BCAS3: variants seen among roughly 807,000 people sequenced by gnomAD.
BCAS3 encodes BCAS4/BCAS3 fusion.
BCAS3 carries 53 observed loss-of-function variants against 116.1 expected under a neutral mutation model. The ratio of observed to expected loss-of-function variants is 0.46; its 90% CI spans 0.37 to 0.57. BCAS3 has a LOEUF of 0.57. Among genes scored for constraint, BCAS3 ranks in the 20% least tolerant of loss-of-function variants. BCAS3 has a pLI of 0.00. For synonymous variants in BCAS3, 391 were observed against 408.2 expected (o/e 0.96, Z 0.51); for missense variants, 917 against 1,165.4 (o/e 0.79, Z 3.10).
intron 6 of BCAS3, among the ~76,000 whole-genome samples, chr17:60,800,969 A>G (rs2047721540): frequency 6.6e-6 from 1 of 152,102 alleles, no homozygotes; most frequent in African/African-American, 2.4e-5. Flanking sequence ...TACTATAGTT[A>G]TATAACTCCT....
intron 9 of BCAS3, among the ~76,000 whole-genome samples, chr17:60,882,752 A>C (rs2056292642): frequency 6.8e-6 from 1 of 147,778 alleles, no homozygotes. Flanking sequence ...AGATAGTTGT[A>C]GGTATGTGGC....
At chr17:60,796,219 G>T (rs977361289) in intron 6 of BCAS3, among the ~76,000 whole-genome samples, 10 of 152,144 alleles carry the variant, frequency 6.6e-5, no homozygotes, top group Non-Finnish European at 1.5e-4. Context: ...CCCTGGTTTT[G>T]GTATTAGGGT....
Position 61,363,437 on chromosome 17 carries a change from A to G in BCAS3, c.2426-4890A>G, listed in dbSNP as rs532178267. On this transcript the variant is annotated intron_variant, in intron 22 of 23. Coordinates refer to ENST00000407086, the MANE Select transcript of BCAS3 (RefSeq NM_017679.5). This position sits in a 1 kb window ranked among gnomAD's most constrained non-coding sequence, Gnocchi z 4.9. Reference sequence around the variant, plus strand: ...AAGAATCCCCAGGAGATAGCCTGCGAAGACTGTTGCACTTACAACCAGATG... The same window carrying G: ...AAGAATCCCCAGGAGATAGCCTGCGGAGACTGTTGCACTTACAACCAGATG... Among the ~76,000 whole-genome samples the G allele has an allele frequency of 1.6e-4, 25 of 152,290 alleles. No homozygotes were observed. The highest frequency in any genetic ancestry group is 5.8e-4 in the African/African-American group (24 of 41,556).
intron 22 of BCAS3, among the ~76,000 whole-genome samples, chr17:61,163,065 AG>A (rs2078256003): frequency 6.6e-6 from 1 of 152,228 alleles, no homozygotes; most frequent in South Asian, 2.1e-4. Flanking sequence ...TACATTTACC[AG>A]AGGAAATGTT....
In BCAS3 at chr17:61,051,325, T is replaced by C. The variant is rs1246042083; in HGVS notation, c.2029+10433T>C. 6.6e-6 allele frequency among the ~76,000 whole-genome samples: 1 copy of C among 151,898 alleles called. No homozygotes were observed. Among genetic ancestry groups the C allele is most frequent in the Non-Finnish European group, 1.5e-5 (1 of 67,912 alleles). On this transcript the variant is annotated intron_variant, in intron 19 of 23. Transcript: ENST00000407086. The surrounding 1 kb of genome is among the most constrained non-coding windows in gnomAD (Gnocchi z 4.1). ...TGGGAGAGAATGTGGCTATATAGAGTTATTACAAGGTTGATCTTTGTGGTG... is the reference window on the plus strand; with the variant it reads ...TGGGAGAGAATGTGGCTATATAGAGCTATTACAAGGTTGATCTTTGTGGTG...
intron 12 of BCAS3, among the ~76,000 whole-genome samples, chr17:60,922,543 A>G (rs1408411744): frequency 3.9e-5 from 6 of 152,328 alleles, no homozygotes; most frequent in African/African-American, 1.4e-4. Flanking sequence ...CTATTTCTCT[A>G]TTAAAAAATA....
chr17:60,733,583 A>G (rs1052205469), intron 5 of BCAS3, among the ~76,000 whole-genome samples: 10 of 152,140 alleles, frequency 6.6e-5, no homozygotes, highest in Admixed American at 6.6e-4. Context: ...GCTGACGTCT[A>G]TAATCCTAGC....
Position 60,868,690 on chromosome 17 carries a change from AT to A in BCAS3, c.584+13del. 6.5e-7 allele frequency: 1 copy of A among 1,535,924 alleles called. No individual in the cohort carries two copies. The highest frequency in any genetic ancestry group is 2.3e-5 in the East Asian group (1 of 42,642). On this transcript the variant is annotated splice_region_variant and intron_variant, in intron 8 of 23. Transcript: ENST00000407086. ...ATCTCCATTGCAATAAACGGTAAGG[AT>A]TTTTTCATGGGTTTCTTGTGTAAAA...
At chr17:61,221,104 CA>C (rs1179464689) in intron 22 of BCAS3, among the ~76,000 whole-genome samples, 2 of 152,122 alleles carry the variant, frequency 1.3e-5, no homozygotes, top group African/African-American at 4.8e-5. Flanking sequence ...GTCTCAAAAA[CA>C]AAAAGAAAGT....
Position 61,131,762 on chromosome 17 carries a change from C to T in BCAS3, c.2425+47198C>T, listed in dbSNP as rs138554899. On this transcript the variant is annotated intron_variant, in intron 22 of 23. Transcript: ENST00000407086. This position sits in a 1 kb window ranked among gnomAD's most constrained non-coding sequence, Gnocchi z 4.4. ...CTGCCCCTTAGGGGCTGAGCAGAAACACTCATGAAGGAGCCCTGATTAAAA... is the reference window on the plus strand; with the variant it reads ...CTGCCCCTTAGGGGCTGAGCAGAAATACTCATGAAGGAGCCCTGATTAAAA... Among the ~76,000 whole-genome samples, 6 of 152,282 alleles carry T rather than the reference C, an allele frequency of 3.9e-5. No homozygotes were observed. The highest frequency in any genetic ancestry group is 7.2e-5 in the African/African-American group (3 of 41,556).
rs190283168 is a variant in BCAS3, at chr17:61,167,081, A to G, written c.2425+82517A>G. Among the ~76,000 whole-genome samples the G allele has an allele frequency of 2.0e-5, 3 of 152,312 alleles. No homozygotes were observed. In the East Asian group the frequency reaches 5.8e-4, roughly 29 times the overall value. ...CTTAAAGAATCTATTTATTTTGTGA[A>G]ATAGGTAAATATTTATTGAATGCTT... On this transcript the variant is annotated intron_variant, in intron 22 of 23. Coordinates refer to ENST00000407086, the MANE Select transcript of BCAS3 (RefSeq NM_017679.5).
chr17:60,892,103 C>T (rs2057193761), intron 10 of BCAS3, among the ~76,000 whole-genome samples: 1 of 152,112 alleles, frequency 6.6e-6, no homozygotes, highest in Non-Finnish European at 1.5e-5. Flanking sequence ...ACTAGTACTG[C>T]GATGAAAATA....
At chr17:60,765,080 G>A (rs1351926249) in intron 6 of BCAS3, among the ~76,000 whole-genome samples, 1 of 152,020 alleles carries the variant, frequency 6.6e-6, no homozygotes, top group Non-Finnish European at 1.5e-5. Flanking sequence ...GAGCCTATAT[G>A]CGTCTCTGCA....
In BCAS3 at chr17:60,969,207, G is replaced by A. The variant is rs376895036; in HGVS notation, c.1222-20764G>A. On this transcript the variant is annotated intron_variant, in intron 14 of 23. Transcript: ENST00000407086. Reference sequence around the variant, plus strand: ...TATTTGTTTTTGGTTTTCTGCAGGGGTAGTGAAGCCAGCTAGCTTCTATAC... The same window carrying A: ...TATTTGTTTTTGGTTTTCTGCAGGGATAGTGAAGCCAGCTAGCTTCTATAC... 8.5e-5 allele frequency among the ~76,000 whole-genome samples: 13 copies of A among 152,212 alleles called. No individual in the cohort carries two copies. The South Asian group carries it at 2.7e-3, about 32-fold the overall frequency.
chr17:60,814,599 A>C lies in BCAS3; in HGVS notation c.476+6523A>C, dbSNP rs117956408. 1.4e-3 allele frequency among the ~76,000 whole-genome samples: 215 copies of C among 152,124 alleles called. 2 individuals carry two copies. The highest frequency in any genetic ancestry group is 4.0e-3 in the Admixed American group (61 of 15,282). ...CTCTGGCAAACAGTAGCTTCTTAAG[A>C]GAGTCTTTGTGTTAGGCGTATATTT... On this transcript the variant is annotated intron_variant, in intron 7 of 23. Coordinates refer to ENST00000407086, the MANE Select transcript of BCAS3 (RefSeq NM_017679.5).
intron 15 of BCAS3, among the ~76,000 whole-genome samples, chr17:60,997,944 A>G (rs550911140): frequency 2.6e-5 from 4 of 152,164 alleles, no homozygotes. Flanking sequence ...TGATTCCGTC[A>G]CCCACATAGT....
At chr17:60,763,307 A>G (rs561022554) in intron 6 of BCAS3, among the ~76,000 whole-genome samples, 6 of 152,204 alleles carry the variant, frequency 3.9e-5, no homozygotes, top group Non-Finnish European at 8.8e-5. Flanking sequence ...GTTTTTGCCC[A>G]TTCAGTATGA....
At chr17:61,070,242 CA>C (rs1306760218) in intron 19 of BCAS3, 2 of 1,523,800 alleles carry the variant, frequency 1.3e-6, no homozygotes, top group East Asian at 2.2e-5. Context: ...TGGCCAAGGT[CA>C]ACACCCTGAT....
intron 22 of BCAS3, among the ~76,000 whole-genome samples, chr17:61,314,981 C>T (rs72834635): frequency 0.025 from 3,790 of 152,208 alleles, 79 homozygotes; most frequent in Middle Eastern, 0.041. Flanking sequence ...TAGCAGTCAC[C>T]GCGCTTGTCT....
Sources: allele counts gnomAD v4.1 joint callset (sites outside exome capture counted in the v4.1 genomes callset), GRCh38; gene constraint gnomAD v4.1.1; non-coding constraint Gnocchi (gnomAD v3.1); transcripts MANE v1.5; gene names NCBI Gene and HGNC (gene_info 2026-07-23, HGNC 2026-07-21).